Variants in NUMB observed in about 807,000 individuals in gnomAD.
NUMB encodes protein numb homolog.
A neutral mutation model predicts 59.7 loss-of-function variants in NUMB; 29 were observed. The observed-to-expected ratio is 0.49, with a 90% CI of 0.36 to 0.66. The LOEUF (loss-of-function observed/expected upper bound fraction) is 0.66, where lower values mean the gene tolerates loss of function less well. Among genes scored for constraint, NUMB ranks in the 30% least tolerant of loss-of-function variants. NUMB has a pLI of 0.00. For missense variants in NUMB, 723 were observed against 822.0 expected, an observed-to-expected ratio of 0.88 and a Z score of 1.47; for synonymous variants, 288 against 288.2, an observed-to-expected ratio of 1.00 and a Z score of 0.01.
chr14:73,370,670 TA>T (rs1894625617), intron 2 of NUMB, among the ~76,000 whole-genome samples: 1 of 150,634 alleles, frequency 6.6e-6, no homozygotes, highest in Admixed American at 6.6e-5. Context: ...CCGGCCTGGG[TA>T]ACAAGAGTGA....
chr14:73,357,582 G>T (rs1159030982), intron 3 of NUMB, among the ~76,000 whole-genome samples: 1 of 151,456 alleles, frequency 6.6e-6, no homozygotes, highest in East Asian at 1.9e-4. Flanking sequence ...GGCCAACATG[G>T]TAAAACCCCG....
intron 1 of NUMB, among the ~76,000 whole-genome samples, chr14:73,447,112 G>A (rs12434150): frequency 0.23 from 34,361 of 150,072 alleles, 3,954 homozygotes; most frequent in Non-Finnish European, 0.25. Context: ...GCTTGAACCC[G>A]GGAGGCGGAG....
At chr14:73,302,983 C>T (rs1031863418) in intron 6 of NUMB, among the ~76,000 whole-genome samples, 8 of 151,248 alleles carry the variant, frequency 5.3e-5, no homozygotes, top group African/African-American at 7.3e-5. Flanking sequence ...GGGAGGAAGC[C>T]GAGGAGGGTG....
At chr14:73,292,552 G>T (rs1889469158) in intron 8 of NUMB, among the ~76,000 whole-genome samples, 182 bp downstream of exon 8, 1 of 152,236 alleles carries the variant, frequency 6.6e-6, no homozygotes, top group Admixed American at 6.5e-5. Flanking sequence ...TCAGTGAGTT[G>T]CAACTCCTGG....
At chr14:73,445,354 CAAAAAAAAA>C (rs752154048) in intron 1 of NUMB, among the ~76,000 whole-genome samples, 2,351 of 57,534 alleles carry the variant, frequency 0.041, 142 homozygotes, top group African/African-American at 0.12. Flanking sequence ...GACCCTGTCT[CAAAAAAAAA>C]AAAAAAAAAA....
chr14:73,389,283 AAAAAAAAAAACAAAAAC>A (rs1457900342), intron 2 of NUMB, among the ~76,000 whole-genome samples: 10 of 93,932 alleles, frequency 1.1e-4, no homozygotes, highest in African/African-American at 5.8e-4. Flanking sequence ...AAAAAAAAAA[AAAAAAAAAAACAAAAAC>A]AAAAACACTG....
chr14:73,333,034 T>G (rs945423319), intron 4 of NUMB, among the ~76,000 whole-genome samples: 2 of 152,220 alleles, frequency 1.3e-5, no homozygotes, highest in Non-Finnish European at 2.9e-5. Flanking sequence ...CTGTGGTGAA[T>G]AGTAGTGCTA....
rs771616742 is a variant in NUMB at position 73,279,395 on chromosome 14, G to A, written c.1126C>T (p.Leu376Phe). Residue 376 changes from leucine (L) to phenylalanine (F), a missense_variant, in exon 12 of 13, where the codon CTT becomes TTT. Transcript: ENST00000555238. ...ANGTDSAFHV[L>F]AKPAHTALAP... is the part of the protein sequence containing the mutation. The stretch of plus-strand genomic sequence containing the variant: ...AGAGCAGTATGGGCTGGCTTAGCAA[G>A]CACATGGAAGGCTGAGTCAGTGCCA... 1 of 1,598,934 alleles carries A rather than the reference G, an allele frequency of 6.3e-7. No homozygotes were observed. The highest frequency in any genetic ancestry group is 8.5e-7 in the Non-Finnish European group (1 of 1,172,900).
At chr14:73,292,328 G>T (rs1454054083) in intron 8 of NUMB, among the ~76,000 whole-genome samples, 2 of 152,144 alleles carry the variant, frequency 1.3e-5, no homozygotes, top group African/African-American at 4.8e-5. Context: ...TTATAGGGGT[G>T]AGCCATCAGG....
At chr14:73,322,096 G>C (rs17781998) in intron 5 of NUMB, among the ~76,000 whole-genome samples, 23,800 of 152,170 alleles carry the variant, frequency 0.16, 2,688 homozygotes, top group Non-Finnish European at 0.23. Flanking sequence ...AGTCAAACTT[G>C]TGGCAGCCCA....
At chr14:73,452,404 C>T (rs899855633) in intron 1 of NUMB, among the ~76,000 whole-genome samples, 1 of 151,902 alleles carries the variant, frequency 6.6e-6, no homozygotes, top group Admixed American at 6.6e-5. Context: ...CCTGTAGTCC[C>T]AGCAACTGGA....
intron 1 of NUMB, among the ~76,000 whole-genome samples, chr14:73,436,893 C>T (rs1437091351): frequency 6.6e-6 from 1 of 150,788 alleles, no homozygotes. Context: ...GCAGGAGAAT[C>T]GCTTGAACCC....
chr14:73,379,536 A>C (rs1895129297), intron 2 of NUMB, among the ~76,000 whole-genome samples: 1 of 152,228 alleles, frequency 6.6e-6, no homozygotes, highest in African/African-American at 2.4e-5. Flanking sequence ...TGGAGAAAAG[A>C]AAGTGTTGGG....
Position 73,350,060 on chromosome 14 carries a change from T to C in NUMB, c.126+5566A>G, listed in dbSNP as rs925206756. Among the ~76,000 whole-genome samples, 79 of 143,066 alleles carry C rather than the reference T, an allele frequency of 5.5e-4. 1 individual carries two copies. The highest frequency in any genetic ancestry group is 1.8e-3 in the African/African-American group (68 of 37,876). The allele number at this position is 143,066 out of a possible 152,430, so 93.9% of individuals were successfully genotyped here. A position where few individuals can be genotyped will look rare whatever the true frequency, so the allele number is the denominator to read the frequency against. On this transcript the variant is annotated intron_variant, in intron 4 of 12. Transcript: ENST00000555238. ...TCTGTCTCACATACATACATACATA[T>C]ATACATACATACATACATACACACA...
intron 4 of NUMB, among the ~76,000 whole-genome samples, chr14:73,342,886 C>G (rs1892710031): frequency 1.3e-5 from 2 of 152,132 alleles, no homozygotes; most frequent in African/African-American, 2.4e-5. Context: ...ACTCTCTCAC[C>G]CAGTCAGGAG....
chr14:73,372,539 C>T (rs1048164003), intron 2 of NUMB, among the ~76,000 whole-genome samples: 14 of 148,874 alleles, frequency 9.4e-5, no homozygotes, highest in Non-Finnish European at 1.8e-4. Context: ...TATTAAAAAC[C>T]ACAACTTCCA....
At chr14:73,377,058 C>CT (rs1173836232) in intron 2 of NUMB, among the ~76,000 whole-genome samples, 2 of 152,028 alleles carry the variant, frequency 1.3e-5, no homozygotes, top group East Asian at 3.8e-4. Context: ...AGATATAGAC[C>CT]TTAACATCCT....
intron 6 of NUMB, among the ~76,000 whole-genome samples, chr14:73,301,530 T>C (rs1294396943): frequency 6.6e-6 from 1 of 152,146 alleles, no homozygotes; most frequent in Non-Finnish European, 1.5e-5. Flanking sequence ...CTTGAACTCC[T>C]GGGCTCCAGT....
chr14:73,284,093 T>G lies in NUMB; in HGVS notation c.937A>C (p.Ile313Leu). The change falls in exon 10 of 13, where the codon ATT (isoleucine) becomes CTT (leucine). Residue 313 changes from isoleucine (I) to leucine (L), a missense_variant. This residue lies in a region of NUMB where 317 missense variants were observed against 436.6 expected (regional missense o/e 0.73). Transcript: ENST00000555238. ...STMQRKTDFP[I>L]KNAVPEVEGE... The stretch of plus-strand genomic sequence containing the variant: ...GATGCTACATTACCTGCATTTTTAA[T>G]GGGGAAATCAGTCTTCCTCTGCATA... The G allele has an allele frequency of 6.2e-7, 1 of 1,613,912 alleles. No individual in the cohort carries two copies.
Sources: gnomAD v4.1 joint callset for allele counts (sites outside exome capture counted in the v4.1 genomes callset) on GRCh38, gnomAD v4.1.1 for gene constraint, gnomAD v4.1.1 regional missense constraint, MANE v1.5 for transcripts, NCBI Gene and HGNC (gene_info 2026-07-23, HGNC 2026-07-21) for gene names.